STX4: variants seen among roughly 807,000 people sequenced by gnomAD.
The protein encoded by STX4 is syntaxin-4.
In STX4, 24 loss-of-function variants were observed where a neutral mutation model predicts 41.8. The observed-to-expected ratio is 0.57, with a 90% CI of 0.42 to 0.81. The LOEUF is 0.81. STX4 is among the 30% of genes least tolerant of loss of function. The pLI is 0.00. For missense variants in STX4, 316 were observed against 389.9 expected (o/e 0.81, Z 1.60); for synonymous variants, 158 against 156.4 (o/e 1.01, Z -0.08).
chr16:31,033,198 G>T, upstream of STX4: 1 of 620,288 alleles, frequency 1.6e-6, no homozygotes, highest in Non-Finnish European at 3.1e-6. This position sits in a 1 kb window ranked among gnomAD's most constrained non-coding sequence, Gnocchi z 5.5. Context: ...GGGACGTCGT[G>T]ATGAGAACGG....
chr16:31,033,515 G>A (rs1289036219), upstream of STX4: 2 of 1,550,468 alleles, frequency 1.3e-6, no homozygotes, highest in Middle Eastern at 1.7e-4. The surrounding 1 kb of genome is among the most constrained non-coding windows in gnomAD (Gnocchi z 5.5). Context: ...AGGAAGAGAC[G>A]CGACCATGTG....
chr16:31,034,813 C>T lies in STX4; in HGVS notation c.308-157C>T, dbSNP rs1056172040. 6 of 745,160 alleles carry T rather than the reference C, an allele frequency of 8.1e-6. No individual in the cohort carries two copies. In the Admixed American group the frequency reaches 1.8e-4, roughly 22 times the overall value. 46.2% of individuals were successfully genotyped at this position (745,160 alleles called of 1,614,324 possible). A position where few individuals can be genotyped will look rare whatever the true frequency, so the allele number is the denominator to read the frequency against. ...GGGAGATGGAGTTTTGTTAGGTGGC[C>T]TCTGCATACCTATGGGAACTCAGTG... On this transcript the variant is annotated intron_variant, in intron 4 of 10. Transcript: ENST00000313843.
At position 31,039,535 on chromosome 16, in the gene STX4, G is replaced by T; in HGVS notation, c.703-6G>T. The T allele has an allele frequency of 1.2e-6, 2 of 1,613,832 alleles. No homozygotes were observed. The highest frequency in any genetic ancestry group is 2.2e-5 in the South Asian group (2 of 91,036). ...ACCTCCCTGAACCACCCCATCCTCT[G>T]AGCAGGGGGAGATGATCAATCGGAT... On this transcript the variant is annotated splice_region_variant and splice_polypyrimidine_tract_variant and intron_variant, in intron 8 of 10. Coordinates refer to ENST00000313843, the MANE Select transcript of STX4 (RefSeq NM_004604.5). The surrounding 1 kb of genome is among the most constrained non-coding windows in gnomAD (Gnocchi z 4.1).
In STX4 at chr16:31,037,908, T is replaced by C; in HGVS notation, c.379-18T>C. 1.2e-6 allele frequency: 2 copies of C among 1,613,728 alleles called. No homozygotes were observed. The highest frequency in any genetic ancestry group is 2.2e-5 in the South Asian group (2 of 91,052). On this transcript the variant is annotated intron_variant, in intron 5 of 10. Transcript: ENST00000313843. ...GGGATCCTCCCAGGGGCACTCAGCCTATATTCTTCATCTTTAGCATGGGGT... is the reference window on the plus strand; with the variant it reads ...GGGATCCTCCCAGGGGCACTCAGCCCATATTCTTCATCTTTAGCATGGGGT...
chr16:31,034,771 T>C (rs2056787075), intron 4 of STX4, 199 bp from the exon 5 acceptor site: 3 of 680,658 alleles, frequency 4.4e-6, no homozygotes, highest in Non-Finnish European at 7.2e-6. Context: ...CGCTGCCCAC[T>C]GGGCATTCTT....
In STX4 at chr16:31,039,807, C is replaced by G. The variant is rs201229504; in HGVS notation, c.*4C>G. Reference sequence around the variant, plus strand: ...TGGCGTCACAGTGGTTGGATAATGTCGCACATTGTTGGTGAGATGTTGTGG... The same window carrying G: ...TGGCGTCACAGTGGTTGGATAATGTGGCACATTGTTGGTGAGATGTTGTGG... On this transcript the variant is annotated 3_prime_UTR_variant, in exon 10 of 11. Coordinates refer to ENST00000313843, the MANE Select transcript of STX4 (RefSeq NM_004604.5). This position sits in a 1 kb window ranked among gnomAD's most constrained non-coding sequence, Gnocchi z 4.1. 11 of 1,614,182 alleles carry G rather than the reference C, an allele frequency of 6.8e-6. No homozygotes were observed. The highest frequency in any genetic ancestry group is 5.9e-6 in the Non-Finnish European group (7 of 1,180,004).
At chr16:31,038,084 C>G (rs558842175) in intron 6 of STX4, 30 bp from the exon 7 acceptor site, 2 of 1,614,200 alleles carry the variant, frequency 1.2e-6, no homozygotes, top group East Asian at 2.2e-5. Context: ...AATCCCAACC[C>G]AACCCTGAGC....
Position 31,039,447 on chromosome 16 carries a change from A to T in STX4, c.703-94A>T, listed in dbSNP as rs2056827007. The T allele has an allele frequency of 9.2e-6, 12 of 1,310,130 alleles. No homozygotes were observed. The highest frequency in any genetic ancestry group is 4.8e-5 in the East Asian group (2 of 41,896). The allele number at this position is 1,310,130 out of a possible 1,614,324, so 81.2% of individuals were successfully genotyped here. A position where few individuals can be genotyped will look rare whatever the true frequency, so the allele number is the denominator to read the frequency against. ...TCTTGCCCTTGTCTTTGTTAGTGCA[A>T]TTTTTTTTTCCTGCCAGGAATGTTC... On this transcript the variant is annotated intron_variant, in intron 8 of 10. Transcript: ENST00000313843. The surrounding 1 kb of genome is among the most constrained non-coding windows in gnomAD (Gnocchi z 4.1).
At chr16:31,035,127 G>A in intron 5 of STX4, 87 bp downstream of exon 5, 2 of 1,008,324 alleles carry the variant, frequency 2.0e-6, no homozygotes, top group Non-Finnish European at 2.8e-6. Flanking sequence ...AGGGCCTGCA[G>A]AGATCATGGA....
rs141404748 is a variant in STX4 at position 31,039,295 on chromosome 16, G to A, written c.703-246G>A. Reference sequence around the variant, plus strand: ...CTGTGAAAGGTATGAGCCATTTGAGGCCCTTAGCTCCAAGCTACCACTGCA... The same window carrying A: ...CTGTGAAAGGTATGAGCCATTTGAGACCCTTAGCTCCAAGCTACCACTGCA... On this transcript the variant is annotated intron_variant, in intron 8 of 10. Transcript: ENST00000313843. The surrounding 1 kb of genome is among the most constrained non-coding windows in gnomAD (Gnocchi z 4.1). The A allele has an allele frequency of 2.1e-3, 1,006 of 489,044 alleles. 17 individuals are homozygous for A. The highest frequency in any genetic ancestry group is 0.011 in the South Asian group (456 of 42,130). The allele number at this position is 489,044 out of a possible 1,614,324, so 30.3% of individuals were successfully genotyped here.
At chr16:31,033,338 G>A, upstream of STX4, 2 of 791,082 alleles carry the variant, frequency 2.5e-6, no homozygotes, top group Non-Finnish European at 2.2e-6. The surrounding 1 kb of genome is among the most constrained non-coding windows in gnomAD (Gnocchi z 5.5). Flanking sequence ...GTGAGATGCG[G>A]GTGTCTCGGA....
Position 31,039,354 on chromosome 16 carries a change from C to T in STX4, c.703-187C>T, listed in dbSNP as rs372483436. ...TTGTATGGGATAAGTGAGCAGGGGA[C>T]AAGGGACTACATGATAGAAGGGGCC... On this transcript the variant is annotated intron_variant, in intron 8 of 10. Coordinates refer to ENST00000313843, the MANE Select transcript of STX4 (RefSeq NM_004604.5). The surrounding 1 kb of genome is among the most constrained non-coding windows in gnomAD (Gnocchi z 4.1). 8 of 592,362 alleles carry T rather than the reference C, an allele frequency of 1.4e-5. No homozygotes were observed. The highest frequency in any genetic ancestry group is 1.1e-4 in the African/African-American group (6 of 53,796). 36.7% of individuals were successfully genotyped at this position (592,362 alleles called of 1,614,324 possible).
At position 31,040,156 on chromosome 16, in the gene STX4, AAG is replaced by A; in HGVS notation, c.*263_*264del. The stretch of plus-strand genomic sequence containing the variant: ...TTTGTAAAAAATTAAAAAACAAAAA[AAG>A]AGCATAGAAAGCCCTGTGCACGTGT... On this transcript the variant is annotated 3_prime_UTR_variant, in exon 11 of 11. Coordinates refer to ENST00000313843, the MANE Select transcript of STX4 (RefSeq NM_004604.5). 3.9e-6 allele frequency: 1 copy of A among 257,680 alleles called. No individual in the cohort carries two copies. The highest frequency in any genetic ancestry group is 5.7e-5 in the South Asian group (1 of 17,690). 16.0% of individuals were successfully genotyped at this position (257,680 alleles called of 1,614,324 possible).
chr16:31,038,573 A>C lies in STX4; in HGVS notation c.628A>C (p.Ile210Leu). ...LNEISARHSE[I>L]QQLERSIREL... ...TGAGATCTCGGCCCGGCACAGTGAG[A>C]TCCAGCAGCTTGAACGCAGTATTCG... The change falls in exon 8 of 11, where the codon ATC becomes CTC. Residue 210 changes from isoleucine to leucine, a missense_variant. Physicochemically the swap from Ile to Leu is conservative, Grantham distance 5. Coordinates refer to ENST00000313843, the MANE Select transcript of STX4 (RefSeq NM_004604.5). 1 of 1,614,020 alleles carries C rather than the reference A, an allele frequency of 6.2e-7. No homozygotes were observed. The highest frequency in any genetic ancestry group is 1.1e-5 in the South Asian group (1 of 91,068).
At chr16:31,036,740 C>T (rs2056801748) in intron 5 of STX4, among the ~76,000 whole-genome samples, 1 of 152,140 alleles carries the variant, frequency 6.6e-6, no homozygotes, top group Admixed American at 6.6e-5. Flanking sequence ...AAGCTTCATT[C>T]AGAAGGTAAC....
Position 31,033,843 on chromosome 16 carries a change from G to A in STX4, c.30+8G>A. 5 of 1,452,910 alleles carry A rather than the reference G, an allele frequency of 3.4e-6. No homozygotes were observed. Among genetic ancestry groups the A allele is most frequent in the Non-Finnish European group, 4.5e-6 (5 of 1,099,426 alleles). 90.0% of individuals were successfully genotyped at this position (1,452,910 alleles called of 1,614,324 possible). A position where few individuals can be genotyped will look rare whatever the true frequency, so the allele number is the denominator to read the frequency against. ...ACCCACGAGCTGAGACAGGTGAGAC[G>A]CCAGGGCAGCGGGGATGGGGACGGG... On this transcript the variant is annotated splice_region_variant and intron_variant, in intron 1 of 10. Coordinates refer to ENST00000313843, the MANE Select transcript of STX4 (RefSeq NM_004604.5). This position sits in a 1 kb window ranked among gnomAD's most constrained non-coding sequence, Gnocchi z 5.5.
chr16:31,034,511 G>T lies in STX4; in HGVS notation c.282G>T (p.Gly94=), dbSNP rs749664156. 1 of 1,602,168 alleles carries T rather than the reference G, an allele frequency of 6.2e-7. No homozygotes were observed. Among genetic ancestry groups the T allele is most frequent in the African/African-American group, 1.3e-5 (1 of 74,726 alleles). ...QNLRDEIKQL[G]REIRLQLKAI... ...TGCGCGATGAGATCAAACAGCTGGG[G>T]AGGGAGATCCGCCTGCAGCTGAAGG... The change falls in exon 4 of 11, where the codon GGG becomes GGT. Residue 94 remains glycine, a synonymous_variant. Coordinates refer to ENST00000313843, the MANE Select transcript of STX4 (RefSeq NM_004604.5).
upstream of STX4, chr16:31,033,427 G>C: frequency 6.7e-7 from 1 of 1,481,724 alleles, no homozygotes; most frequent in Non-Finnish European, 9.2e-7. This position sits in a 1 kb window ranked among gnomAD's most constrained non-coding sequence, Gnocchi z 5.5. Flanking sequence ...GGTGACGGTA[G>C]CAAGTTCTCG....
intron 5 of STX4, chr16:31,035,589 C>G (rs2056793552): frequency 6.6e-6 from 1 of 152,198 alleles, no homozygotes; most frequent in South Asian, 2.1e-4. Context: ...AAAGACATTA[C>G]TCACGTGGGA....
Sources: gnomAD v4.1 joint callset for allele counts (sites outside exome capture counted in the v4.1 genomes callset) on GRCh38, gnomAD v4.1.1 for gene constraint, Gnocchi (gnomAD v3.1) non-coding constraint, MANE v1.5 for transcripts, NCBI Gene and HGNC (gene_info 2026-07-23, HGNC 2026-07-21) for gene names.